The following CYP7B1 variants were observed in gnomAD, a reference collection of about 807,000 sequenced individuals.
The protein encoded by CYP7B1 is cytochrome P450 7B1.
In CYP7B1, 29 loss-of-function variants were observed where a neutral mutation model predicts 42.7. The ratio of observed to expected loss-of-function variants is 0.68; its 90% CI spans 0.51 to 0.93. The LOEUF (loss-of-function observed/expected upper bound fraction) is 0.93, where lower values mean the gene tolerates loss of function less well. Among genes scored for constraint, CYP7B1 ranks in the 40% least tolerant of loss-of-function variants. The pLI is 0.00. For missense variants in CYP7B1, 655 were observed against 600.5 expected, an observed-to-expected ratio of 1.09 and a Z score of -0.95; for synonymous variants, 235 against 218.2, an observed-to-expected ratio of 1.08 and a Z score of -0.68.
intron 1 of CYP7B1, among the ~76,000 whole-genome samples, chr8:64,669,974 A>C (rs1179172699): frequency 6.6e-6 from 1 of 152,214 alleles, no homozygotes; most frequent in African/African-American, 2.4e-5. Flanking sequence ...TTTGTTTCAC[A>C]AGTTAGAATT....
At chr8:64,605,328 C>A (rs1328991001) in intron 4 of CYP7B1, among the ~76,000 whole-genome samples, 1 of 152,166 alleles carries the variant, frequency 6.6e-6, no homozygotes, top group Admixed American at 6.5e-5. Flanking sequence ...TCTGAGACAG[C>A]TTAACACTTA....
chr8:64,610,237 C>A (rs528298695), intron 4 of CYP7B1, among the ~76,000 whole-genome samples: 7 of 152,272 alleles, frequency 4.6e-5, no homozygotes, highest in African/African-American at 1.7e-4. Flanking sequence ...ATCCGATGAA[C>A]ATCGAAATCA....
At chr8:64,655,821 T>G (rs1249690158) in intron 1 of CYP7B1, among the ~76,000 whole-genome samples, 1 of 152,186 alleles carries the variant, frequency 6.6e-6, no homozygotes, top group Non-Finnish European at 1.5e-5. Context: ...TGGAATAGCA[T>G]GCAACCATAA....
intron 1 of CYP7B1, among the ~76,000 whole-genome samples, chr8:64,786,405 G>A (rs913482325): frequency 6.6e-6 from 1 of 152,226 alleles, no homozygotes; most frequent in African/African-American, 2.4e-5. Context: ...GGAGAAACTG[G>A]CCAAAACAAA....
chr8:64,736,397 A>C (rs1263539811), intron 1 of CYP7B1, among the ~76,000 whole-genome samples: 1 of 152,222 alleles, frequency 6.6e-6, no homozygotes, highest in Non-Finnish European at 1.5e-5. Context: ...AAAATGCAAG[A>C]AAATACAAAC....
At chr8:64,753,075 G>C (rs1807753750) in intron 1 of CYP7B1, among the ~76,000 whole-genome samples, 1 of 152,148 alleles carries the variant, frequency 6.6e-6, no homozygotes, top group African/African-American at 2.4e-5. Flanking sequence ...TGTTTGAAAT[G>C]TTATTTTCCA....
At chr8:64,603,009 T>A (rs1236455414) in intron 5 of CYP7B1, among the ~76,000 whole-genome samples, 1 of 152,190 alleles carries the variant, frequency 6.6e-6, no homozygotes, top group African/African-American at 2.4e-5. Context: ...GACAATAAAT[T>A]AGTTAATTTT....
Position 64,774,767 on chromosome 8 carries a change from T to C in CYP7B1, c.122+23699A>G, listed in dbSNP as rs558557100. Among the ~76,000 whole-genome samples, 12 of 152,308 alleles carry C rather than the reference T, an allele frequency of 7.9e-5. No homozygotes were observed. The East Asian group carries it at 2.3e-3, about 29-fold the overall frequency. ...CAATAAGTATTTACTGAATAGTGCA[T>C]ATCTGCTTTCCTTCAAGGGTCTGGG... On this transcript the variant is annotated intron_variant, in intron 1 of 5. Transcript: ENST00000310193.
chr8:64,678,074 G>A (rs1806478751), intron 1 of CYP7B1, among the ~76,000 whole-genome samples: 1 of 152,050 alleles, frequency 6.6e-6, no homozygotes, highest in Admixed American at 6.6e-5. Flanking sequence ...GCCTAAACGG[G>A]CTGTCCTAAG....
intron 1 of CYP7B1, among the ~76,000 whole-genome samples, chr8:64,719,077 T>C (rs919060591): frequency 1.3e-5 from 2 of 152,182 alleles, no homozygotes; most frequent in African/African-American, 4.8e-5. Context: ...CAACTGACCA[T>C]ATCCATTGCC....
intron 1 of CYP7B1, among the ~76,000 whole-genome samples, chr8:64,788,420 G>C (rs1804563566): frequency 6.6e-6 from 1 of 152,154 alleles, no homozygotes; most frequent in Admixed American, 6.5e-5. Flanking sequence ...TTCACCCCAG[G>C]TCTGCATGGG....
intron 1 of CYP7B1, among the ~76,000 whole-genome samples, chr8:64,674,106 G>A (rs761265842): frequency 1.3e-5 from 2 of 151,930 alleles, no homozygotes; most frequent in Non-Finnish European, 2.9e-5. Context: ...GACACTAATG[G>A]GATTTTTAAT....
chr8:64,751,087 TC>T (rs1437246474), intron 1 of CYP7B1, among the ~76,000 whole-genome samples: 2 of 152,204 alleles, frequency 1.3e-5, no homozygotes, highest in Non-Finnish European at 2.9e-5. Flanking sequence ...CCTGGTTGCT[TC>T]CTGTGACAAT....
rs141941838 is a variant in CYP7B1, at chr8:64,677,818, A to G, written c.123-53279T>C. Among the ~76,000 whole-genome samples the G allele has an allele frequency of 1.3e-3, 199 of 149,226 alleles. 2 individuals are homozygous for G. Among genetic ancestry groups the G allele is most frequent in the Admixed American group, 4.0e-3 (58 of 14,584 alleles). On this transcript the variant is annotated intron_variant, in intron 1 of 5. Transcript: ENST00000310193. ...ATGAGATCATTGTCATGTAGTTAGC[A>G]TACTTTCTGGCACATAATAAGTGTT...
intron 1 of CYP7B1, among the ~76,000 whole-genome samples, chr8:64,730,012 T>A (rs1807384746): frequency 6.6e-6 from 1 of 152,176 alleles, no homozygotes; most frequent in South Asian, 2.1e-4. Flanking sequence ...TTGATTCTAA[T>A]TTCACCTACA....
chr8:64,788,747 G>A (rs2129714066), intron 1 of CYP7B1, among the ~76,000 whole-genome samples: 1 of 152,276 alleles, frequency 6.6e-6, no homozygotes, highest in African/African-American at 2.4e-5. Flanking sequence ...TCCTTATTTA[G>A]AAATTTTGTG....
At chr8:64,792,162 C>T (rs1322395528) in intron 1 of CYP7B1, among the ~76,000 whole-genome samples, 1 of 152,104 alleles carries the variant, frequency 6.6e-6, no homozygotes, top group Non-Finnish European at 1.5e-5. Flanking sequence ...GAAAACAAAA[C>T]TTGTAAATGA....
chr8:64,669,755 A>C (rs753135418), intron 1 of CYP7B1, among the ~76,000 whole-genome samples: 63 of 150,828 alleles, frequency 4.2e-4, no homozygotes, highest in Middle Eastern at 3.4e-3. Flanking sequence ...ACATACACAC[A>C]CCCCTCCCCA....
intron 1 of CYP7B1, among the ~76,000 whole-genome samples, chr8:64,655,097 G>A (rs1806102115): frequency 1.3e-5 from 2 of 152,106 alleles, no homozygotes. Flanking sequence ...ATACCATCCT[G>A]GACATAGGAA....
Sources: gnomAD v4.1 joint callset for allele counts (sites outside exome capture counted in the v4.1 genomes callset) on GRCh38, gnomAD v4.1.1 for gene constraint, MANE v1.5 for transcripts, NCBI Gene and HGNC (gene_info 2026-07-23, HGNC 2026-07-21) for gene names.